SUPT6H: variants seen among roughly 807,000 people sequenced by gnomAD.
The protein encoded by SUPT6H is SPT6 homolog, histone chaperone and transcription elongation factor.
SUPT6H carries 11 observed loss-of-function variants against 222.3 expected under a neutral mutation model. The observed-to-expected ratio is 0.05, with a 90% confidence interval of 0.03 to 0.08. The LOEUF (loss-of-function observed/expected upper bound fraction) is 0.08, where lower values mean the gene tolerates loss of function less well. Ranked by LOEUF, SUPT6H falls within the 10% of genes least tolerant of loss-of-function variation. The probability of loss-of-function intolerance (pLI) is 1.00; values close to 1 mark genes in which losing one functional copy is unlikely to be tolerated. For synonymous variants in SUPT6H, 762 were observed against 801.2 expected (o/e 0.95, Z 0.83); for missense variants, 1,422 against 2,216.0 (o/e 0.64, Z 7.19).
At chr17:28,686,556 C>T (rs2031389769) in intron 20 of SUPT6H, 98 bp from the exon 21 acceptor site, 1 of 1,542,466 alleles carries the variant, frequency 6.5e-7, no homozygotes, top group Non-Finnish European at 8.8e-7. Flanking sequence ...TCATTTTCTT[C>T]AAAGCCCTTT....
At position 28,683,289 on chromosome 17, in the gene SUPT6H, G is replaced by A. The variant is rs2031213517; in HGVS notation, c.1900G>A (p.Ala634Thr). ...GCAGGATGTGGATGAGGCCCACTAT[G>A]CCTATTCCTTCAAGTATTTAAAGAA... ...GRKDVDEAHY[A>T]YSFKYLKNKP... The change falls in exon 16 of 37, where the codon GCC becomes ACC. Residue 634 changes from alanine to threonine, a missense_variant. Around this residue, in one of 13 missense-constraint regions of SUPT6H, gnomAD observed 121 missense variants for 158.0 expected, o/e 0.77. Transcript: ENST00000314616. 6.2e-7 allele frequency: 1 copy of A among 1,614,140 alleles called. No homozygotes were observed. The highest frequency in any genetic ancestry group is 8.5e-7 in the Non-Finnish European group (1 of 1,180,024).
intron 9 of SUPT6H, 78 bp from the exon 10 acceptor site, chr17:28,678,467 G>A (rs1294871966): frequency 7.2e-7 from 1 of 1,396,834 alleles, no homozygotes; most frequent in African/African-American, 1.4e-5. Context: ...GTTTCTCCAG[G>A]AAGTCATTAT....
intron 27 of SUPT6H, among the ~76,000 whole-genome samples, chr17:28,693,088 C>T (rs138032185): frequency 2.0e-4 from 31 of 152,022 alleles, no homozygotes; most frequent in Non-Finnish European, 3.2e-4. Context: ...AAGGATCACT[C>T]GAGCCTGGGA....
chr17:28,701,670 G>C lies in SUPT6H; in HGVS notation c.*45G>C. On this transcript the variant is annotated 3_prime_UTR_variant, in exon 37 of 37. Transcript: ENST00000314616. Reference sequence around the variant, plus strand: ...CTGGTTACCTCTGAGGCTGGGAAAGGCCTGGCTGCCCACTGCCTCCCTCCC... The same window carrying C: ...CTGGTTACCTCTGAGGCTGGGAAAGCCCTGGCTGCCCACTGCCTCCCTCCC... 6.4e-7 allele frequency: 1 copy of C among 1,550,976 alleles called. No homozygotes were observed. Among genetic ancestry groups the C allele is most frequent in the South Asian group, 1.2e-5 (1 of 84,458 alleles).
intron 29 of SUPT6H, among the ~76,000 whole-genome samples, chr17:28,696,604 A>C (rs941233874): frequency 4.6e-5 from 7 of 150,672 alleles, no homozygotes; most frequent in African/African-American, 1.7e-4. Flanking sequence ...AAAAAAAAAA[A>C]GCCAGGCATG....
At chr17:28,686,910 A>G (rs2031408495) in intron 21 of SUPT6H, 121 bp downstream of exon 21, 1 of 1,481,694 alleles carries the variant, frequency 6.7e-7, no homozygotes, top group Non-Finnish European at 9.0e-7. Context: ...TTATCCATGC[A>G]GAAGTTCTCC....
At chr17:28,701,279 G>T (rs2032121104) in intron 36 of SUPT6H, 151 bp downstream of exon 36, 6 of 1,401,722 alleles carry the variant, frequency 4.3e-6, no homozygotes, top group Non-Finnish European at 5.8e-6. Context: ...GGTGAAGACG[G>T]AAGAGGGCAG....
chr17:28,674,781 C>T, intron 4 of SUPT6H, 168 bp downstream of exon 4: 1 of 893,794 alleles, frequency 1.1e-6, no homozygotes. Context: ...GATCTGGGTG[C>T]CTGTTAGAGA....
Position 28,684,588 on chromosome 17 carries a change from C to A in SUPT6H, c.2232C>A (p.Ala744=). The A allele has an allele frequency of 6.2e-7, 1 of 1,614,142 alleles. No individual in the cohort carries two copies. Among genetic ancestry groups the A allele is most frequent in the Non-Finnish European group, 8.5e-7 (1 of 1,180,028 alleles). ...LAEAKEYVIK[A]CSRKLYNWLR... is the part of the protein sequence containing the mutation. ...ACCTGTTGTGTCTCTTCCCTCAGGC[C>A]TGTAGTCGAAAGCTCTACAATTGGT... Residue 744 remains alanine (A), a splice_region_variant and synonymous_variant, in exon 18 of 37, where the codon GCC becomes GCA. Coordinates refer to ENST00000314616, the MANE Select transcript of SUPT6H (RefSeq NM_003170.5).
chr17:28,684,547 T>A, intron 17 of SUPT6H, 39 bp from the exon 18 acceptor site: 1 of 1,612,466 alleles, frequency 6.2e-7, no homozygotes, highest in Non-Finnish European at 8.5e-7. Context: ...GACCATAATG[T>A]CATCATGTAT....
Position 28,686,420 on chromosome 17 carries a change from GT to G in SUPT6H, c.2564+6del, listed in dbSNP as rs1424219131. 1 of 1,613,918 alleles carries G rather than the reference GT, an allele frequency of 6.2e-7. No individual in the cohort carries two copies. The highest frequency in any genetic ancestry group is 1.3e-5 in the African/African-American group (1 of 74,926). On this transcript the variant is annotated splice_donor_region_variant and intron_variant, in intron 20 of 36. Transcript: ENST00000314616. ...GACAGTTGCAGGAGAGAACAGGTAG[GT>G]AGGGATTAGACCACACCTGGTTTAA...
At chr17:28,686,944 G>A in intron 21 of SUPT6H, 144 bp from the exon 22 acceptor site, 1 of 1,479,298 alleles carries the variant, frequency 6.8e-7, no homozygotes, top group Non-Finnish European at 9.1e-7. Flanking sequence ...GGTTCAGATT[G>A]GGAGTCCCAG....
Position 28,688,195 on chromosome 17 carries a change from C to A in SUPT6H, c.3111C>A (p.Ile1037=), listed in dbSNP as rs1292395043. 2 of 1,613,450 alleles carry A rather than the reference C, an allele frequency of 1.2e-6. No individual in the cohort carries two copies. The highest frequency in any genetic ancestry group is 1.7e-6 in the Non-Finnish European group (2 of 1,179,720). ...TGAATTGTGCTGGCTTCCTCAAGAT[C>A]GACACGGCCTCCCTGGGGGACAGGT... The part of the protein sequence containing the change: ...VFMNCAGFLK[I]DTASLGDSTD... Residue 1037 remains isoleucine (I), a synonymous_variant, in exon 24 of 37, where the codon ATC becomes ATA. Transcript: ENST00000314616. This position sits in a 1 kb window ranked among gnomAD's most constrained non-coding sequence, Gnocchi z 4.3.
chr17:28,677,634 G>A lies in SUPT6H; in HGVS notation c.898-81G>A, dbSNP rs1031220818. ...GGAAATGTGCACTTGATGATCACAC[G>A]TTTCTGTCCAAAAAGGTATGTTTTT... On this transcript the variant is annotated intron_variant, in intron 7 of 36. Coordinates refer to ENST00000314616, the MANE Select transcript of SUPT6H (RefSeq NM_003170.5). 31 of 971,820 alleles carry A rather than the reference G, an allele frequency of 3.2e-5. 1 individual carries two copies. The African/African-American group carries it at 4.1e-4, about 13-fold the overall frequency. 60.2% of individuals were successfully genotyped at this position (971,820 alleles called of 1,614,324 possible). A position where few individuals can be genotyped will look rare whatever the true frequency, so the allele number is the denominator to read the frequency against.
chr17:28,690,865 A>G, intron 26 of SUPT6H, 56 bp from the exon 27 acceptor site: 3 of 1,574,512 alleles, frequency 1.9e-6, no homozygotes, highest in Non-Finnish European at 2.6e-6. Context: ...GCTGGTGGAA[A>G]GAAGTGCTCT....
intron 1 of SUPT6H, among the ~76,000 whole-genome samples, chr17:28,667,508 T>C (rs1178544877): frequency 6.8e-6 from 1 of 147,132 alleles, no homozygotes. Flanking sequence ...TGTGTATATA[T>C]ATATAAATAC....
At chr17:28,674,843 C>G in intron 4 of SUPT6H, 127 bp from the exon 5 acceptor site, 1 of 1,201,736 alleles carries the variant, frequency 8.3e-7, no homozygotes, top group East Asian at 2.4e-5. Flanking sequence ...GAGCATCACT[C>G]GGCATGTTCT....
rs2030869905 is a variant in SUPT6H at position 28,678,103 on chromosome 17, C to A, written c.1027C>A (p.Gln343Lys). 1.9e-6 allele frequency: 3 copies of A among 1,612,990 alleles called. No homozygotes were observed. Among genetic ancestry groups the A allele is most frequent in the Non-Finnish European group, 2.5e-6 (3 of 1,179,708 alleles). ...AAGCTGTGATTACCTAGACCGAGGG[C>A]AGCCAGCCAGCAGCTTCAGTCGGAA... ...QESCDYLDRG[Q>K]PASSFSRKGP... The change falls in exon 9 of 37, where the codon CAG becomes AAG. Residue 343 changes from glutamine to lysine, a missense_variant. Coordinates refer to ENST00000314616, the MANE Select transcript of SUPT6H (RefSeq NM_003170.5).
intron 9 of SUPT6H, 108 bp downstream of exon 9, chr17:28,678,300 C>A: frequency 1.0e-6 from 1 of 1,004,460 alleles, no homozygotes; most frequent in Non-Finnish European, 1.5e-6. Context: ...ATCCCCTATC[C>A]ATGACTCAAC....
Sources: gnomAD v4.1 joint callset for allele counts (sites outside exome capture counted in the v4.1 genomes callset) on GRCh38, gnomAD v4.1.1 for gene constraint, gnomAD v4.1.1 regional missense constraint, Gnocchi (gnomAD v3.1) non-coding constraint, MANE v1.5 for transcripts, NCBI Gene and HGNC (gene_info 2026-07-23, HGNC 2026-07-21) for gene names.